Variants in FLYWCH2 observed in about 807,000 individuals in gnomAD.
FLYWCH2 encodes the protein FLYWCH family member 2.
A neutral mutation model predicts 6.0 loss-of-function variants in FLYWCH2; 2 were observed. The ratio of observed to expected loss-of-function variants is 0.33; its 90% CI spans 0.14 to 1.04. The LOEUF is 1.04. FLYWCH2 is among the 50% of genes least tolerant of loss of function. FLYWCH2 has a pLI of 0.45. For synonymous variants in FLYWCH2, 87 were observed against 79.3 expected (o/e 1.10, Z -0.52); for missense variants, 192 against 183.4 (o/e 1.05, Z -0.27).
intron 3 of FLYWCH2, 160 bp from the exon 4 acceptor site, chr16:2,898,889 A>G (rs1160554126): frequency 3.7e-5 from 19 of 518,542 alleles, no homozygotes; most frequent in Non-Finnish European, 5.7e-5. Flanking sequence ...CCTTGGGAGC[A>G]GCGTCCCTGA....
intron 2 of FLYWCH2, 90 bp from the exon 3 acceptor site, chr16:2,896,262 C>T: frequency 1.5e-6 from 1 of 686,848 alleles, no homozygotes; most frequent in South Asian, 2.3e-5. Flanking sequence ...AGCAGTGAGG[C>T]AGCCCCATCT....
At chr16:2,893,431 C>A (rs928079643) in intron 1 of FLYWCH2, among the ~76,000 whole-genome samples, 1 of 152,078 alleles carries the variant, frequency 6.6e-6, no homozygotes, top group Non-Finnish European at 1.5e-5. Context: ...GGGTCAAACA[C>A]CAAATATATA....
At chr16:2,885,555 A>G (rs922198948) in intron 1 of FLYWCH2, among the ~76,000 whole-genome samples, 1 of 152,218 alleles carries the variant, frequency 6.6e-6, no homozygotes, top group Non-Finnish European at 1.5e-5. Flanking sequence ...ACTCTAAGTA[A>G]TTTCATGTAA....
At chr16:2,888,987 G>A (rs2069727104) in intron 1 of FLYWCH2, among the ~76,000 whole-genome samples, 1 of 152,032 alleles carries the variant, frequency 6.6e-6, no homozygotes, top group Admixed American at 6.6e-5. Flanking sequence ...TGAAAATGAG[G>A]TATTAAACAC....
intron 1 of FLYWCH2, among the ~76,000 whole-genome samples, chr16:2,884,377 G>T (rs1295900455): frequency 6.6e-6 from 1 of 151,874 alleles, no homozygotes; most frequent in Non-Finnish European, 1.5e-5. Flanking sequence ...CGTCAGTGAG[G>T]GATTGAACCT....
chr16:2,887,313 CTTTTT>C (rs71158114), intron 1 of FLYWCH2, among the ~76,000 whole-genome samples: 3 of 72,538 alleles, frequency 4.1e-5, no homozygotes, highest in African/African-American at 1.4e-4. Context: ...GCCCGGCTTT[CTTTTT>C]TTTTTTTTTT....
chr16:2,893,600 G>T (rs1014564876), intron 1 of FLYWCH2, among the ~76,000 whole-genome samples: 1 of 151,428 alleles, frequency 6.6e-6, no homozygotes, highest in Non-Finnish European at 1.5e-5. Flanking sequence ...TTTGAGATGG[G>T]GCTGACGTCA....
intron 1 of FLYWCH2, among the ~76,000 whole-genome samples, chr16:2,885,286 C>T (rs2069686058): frequency 6.6e-6 from 1 of 152,110 alleles, no homozygotes; most frequent in Non-Finnish European, 1.5e-5. Flanking sequence ...CACTGCACTC[C>T]AGCCTGGGCG....
Position 2,883,540 on chromosome 16 carries a change from C to T in FLYWCH2, c.-200+174C>T, listed in dbSNP as rs114553370. Among the ~76,000 whole-genome samples the T allele has an allele frequency of 8.4e-3, 1,277 of 152,286 alleles. 11 individuals carry two copies. Among genetic ancestry groups the T allele is most frequent in the African/African-American group, 0.026 (1,084 of 41,556 alleles). ...GCGATTCCCTCTTTGCCTCTCGCCC[C>T]TCCTTCCCCACCCCCTCCAGTCCCT... On this transcript the variant is annotated intron_variant, in intron 1 of 3. Coordinates refer to ENST00000396958, the MANE Select transcript of FLYWCH2 (RefSeq NM_138439.3).
At chr16:2,890,969 A>G (rs1013790831) in intron 1 of FLYWCH2, among the ~76,000 whole-genome samples, 4 of 152,194 alleles carry the variant, frequency 2.6e-5, no homozygotes, top group Admixed American at 2.6e-4. Flanking sequence ...TACTGTTTAG[A>G]ATTCCTCTTA....
intron 1 of FLYWCH2, among the ~76,000 whole-genome samples, chr16:2,886,415 CT>C (rs1323719648): frequency 0.011 from 1,620 of 145,578 alleles, 37 homozygotes; most frequent in African/African-American, 0.042. Context: ...ACTATGTTGT[CT>C]AGGCTGATCT....
At chr16:2,888,341 A>G (rs1386018815) in intron 1 of FLYWCH2, among the ~76,000 whole-genome samples, 2 of 150,792 alleles carry the variant, frequency 1.3e-5, no homozygotes, top group East Asian at 3.9e-4. Flanking sequence ...ACCACATTGT[A>G]TTGATTACTG....
chr16:2,890,976 C>G (rs918505255), intron 1 of FLYWCH2, among the ~76,000 whole-genome samples: 4 of 152,162 alleles, frequency 2.6e-5, no homozygotes, highest in African/African-American at 9.7e-5. Flanking sequence ...TAGAATTCCT[C>G]TTAAGGAAGA....
At chr16:2,890,652 G>A (rs995354165) in intron 1 of FLYWCH2, among the ~76,000 whole-genome samples, 1 of 149,508 alleles carries the variant, frequency 6.7e-6, no homozygotes, top group Non-Finnish European at 1.5e-5. Flanking sequence ...TCGAACTCCT[G>A]ACCTTGTGAT....
chr16:2,890,962 T>G lies in FLYWCH2; in HGVS notation c.-199-4258T>G, dbSNP rs1031613499. Among the ~76,000 whole-genome samples the G allele has an allele frequency of 7.2e-5, 11 of 152,326 alleles. No homozygotes were observed. The South Asian group carries it at 2.3e-3, about 32-fold the overall frequency. ...TGGAGGGGGAAGTGTCCGCACATAC[T>G]GTTTAGAATTCCTCTTAAGGAAGAT... On this transcript the variant is annotated intron_variant, in intron 1 of 3. Transcript: ENST00000396958.
At chr16:2,897,918 G>A (rs1395793154) in intron 3 of FLYWCH2, among the ~76,000 whole-genome samples, 3 of 152,060 alleles carry the variant, frequency 2.0e-5, no homozygotes, top group Admixed American at 6.5e-5. Context: ...CGTGCCCTGA[G>A]AAGAAGAGGC....
chr16:2,886,050 A>G (rs1270037154), intron 1 of FLYWCH2, among the ~76,000 whole-genome samples: 1 of 152,064 alleles, frequency 6.6e-6, no homozygotes, highest in African/African-American at 2.4e-5. Flanking sequence ...GTGAAGTGAT[A>G]TCTCATTGTG....
At chr16:2,895,758 C>G (rs1294910056) in intron 2 of FLYWCH2, among the ~76,000 whole-genome samples, 1 of 152,276 alleles carries the variant, frequency 6.6e-6, no homozygotes, top group South Asian at 2.1e-4. Flanking sequence ...CTGGCCCATG[C>G]TCCCTGTGAC....
intron 1 of FLYWCH2, among the ~76,000 whole-genome samples, chr16:2,884,579 A>AAAAAAAAAAAAAAAC (rs1285185165): frequency 7.3e-6 from 1 of 137,752 alleles, no homozygotes; most frequent in Non-Finnish European, 1.6e-5. Context: ...AAAAAAAAAT[A>AAAAAAAAAAAAAAAC]CAAAAATTAG....
Sources: allele counts gnomAD v4.1 joint callset (sites outside exome capture counted in the v4.1 genomes callset), GRCh38; gene constraint gnomAD v4.1.1; transcripts MANE v1.5; gene names NCBI Gene and HGNC (gene_info 2026-07-23, HGNC 2026-07-21).